The following NAV3 variants were observed in gnomAD, a reference collection of about 807,000 sequenced individuals.
NAV3 encodes the protein pore membrane and/or filament interacting like protein 1.
NAV3 carries 87 observed loss-of-function variants against 244.7 expected under a neutral mutation model. That is an observed-to-expected ratio of 0.36 (90% CI 0.30 to 0.42). The LOEUF (loss-of-function observed/expected upper bound fraction) is 0.42, where lower values mean the gene tolerates loss of function less well. NAV3 is among the 20% of genes least tolerant of loss of function. The pLI is 1.00. For missense variants in NAV3, 2,663 were observed against 2,893.3 expected (o/e 0.92, Z 1.83); for synonymous variants, 1,126 against 1,042.2 (o/e 1.08, Z -1.55).
chr12:78,088,033 C>CATAT (rs547523601), intron 12 of NAV3, among the ~76,000 whole-genome samples: 9 of 147,852 alleles, frequency 6.1e-5, no homozygotes, highest in Admixed American at 2.0e-4. Context: ...AGTGTTTCTT[C>CATAT]ATATATATAT....
chr12:77,969,136 T>C (rs1016203030), intron 5 of NAV3, among the ~76,000 whole-genome samples: 1 of 119,012 alleles, frequency 8.4e-6, no homozygotes, highest in Non-Finnish European at 1.9e-5. Context: ...GAACATAGTG[T>C]TTTTGATGTG....
rs568739363 is a variant in NAV3, at chr12:77,968,579, A to G, written c.548A>G (p.Lys183Arg). 2.6e-5 allele frequency: 42 copies of G among 1,614,148 alleles called. No homozygotes were observed. In the African/African-American group the frequency reaches 4.3e-4, roughly 16 times the overall value. The change falls in exon 5 of 40, where the codon AAG (lysine) becomes AGG (arginine). Residue 183 changes from lysine (K) to arginine (R), a missense_variant. Transcript: ENST00000397909. ...LGLFFSLSRY[K>R]QQQHHQQQYY... is the part of the protein sequence containing the mutation. ...CTGTTTTTCAGTTTATCTCGCTACA[A>G]GCAGCAACAACACCATCAACAACAG...
rs1442629988 is a variant in NAV3 at position 78,146,351 on chromosome 12, CT to C, written c.4684-13del. Reference sequence around the variant, plus strand: ...AATAGTTTTTATAGTTAAAGTCTTTCTTTTTATTGTTTTACAGGCTGAAGAA... The same window carrying C: ...AATAGTTTTTATAGTTAAAGTCTTTCTTTTATTGTTTTACAGGCTGAAGAA... On this transcript the variant is annotated splice_polypyrimidine_tract_variant and intron_variant, in intron 20 of 39. Transcript: ENST00000397909. 5 of 1,054,244 alleles carry C rather than the reference CT, an allele frequency of 4.7e-6. No homozygotes were observed. The highest frequency in any genetic ancestry group is 6.6e-6 in the Non-Finnish European group (5 of 754,366). 65.3% of individuals were successfully genotyped at this position (1,054,244 alleles called of 1,614,324 possible).
chr12:77,862,769 A>T (rs1879437676), intron 1 of NAV3, among the ~76,000 whole-genome samples: 1 of 151,816 alleles, frequency 6.6e-6, no homozygotes, highest in South Asian at 2.1e-4. Context: ...CATTATTTTG[A>T]TTAAACAATA....
intron 2 of NAV3, among the ~76,000 whole-genome samples, chr12:77,649,806 T>C (rs1391843808): frequency 6.6e-6 from 1 of 152,178 alleles, no homozygotes; most frequent in Non-Finnish European, 1.5e-5. Flanking sequence ...AATGATTTAA[T>C]CGATTTTTTT....
intron 1 of NAV3, among the ~76,000 whole-genome samples, chr12:77,844,252 G>C (rs1267996462): frequency 6.6e-6 from 1 of 152,120 alleles, no homozygotes; most frequent in African/African-American, 2.4e-5. Context: ...CCACAGGGGA[G>C]GGATGCCATG....
At chr12:77,629,486 T>A (rs1871788940) in intron 2 of NAV3, among the ~76,000 whole-genome samples, 2 of 152,224 alleles carry the variant, frequency 1.3e-5, no homozygotes, top group South Asian at 2.1e-4. Flanking sequence ...TGCATTGTGA[T>A]TGGAGCTTAA....
At chr12:77,655,196 T>TA in intron 2 of NAV3, among the ~76,000 whole-genome samples, 1 of 151,922 alleles carries the variant, frequency 6.6e-6, no homozygotes, top group South Asian at 2.1e-4. Context: ...GCAAAGAAGA[T>TA]AAAAACTTTG....
intron 3 of NAV3, among the ~76,000 whole-genome samples, chr12:77,961,302 G>GCA (rs1891938131): frequency 1.8e-5 from 1 of 55,864 alleles, no homozygotes; most frequent in Non-Finnish European, 5.6e-5. Context: ...ATACACATAT[G>GCA]TATATATTAC....
chr12:77,666,609 G>T (rs1427779062), intron 2 of NAV3, among the ~76,000 whole-genome samples: 1 of 152,148 alleles, frequency 6.6e-6, no homozygotes, highest in African/African-American at 2.4e-5. Context: ...TAAATATTCT[G>T]CTCAAGGTAT....
In NAV3 at chr12:78,137,245, G is replaced by T. The variant is rs1459665320; in HGVS notation, c.4510G>T (p.Ala1504Ser). 6.2e-7 allele frequency: 1 copy of T among 1,613,658 alleles called. No individual in the cohort carries two copies. The highest frequency in any genetic ancestry group is 1.7e-5 in the Admixed American group (1 of 59,958). The stretch of plus-strand genomic sequence containing the variant: ...CATGATGCGCTCAAACAGCATCCCA[G>T]CCCAAGACTCTTCCTTCGATCTCTA... ...PSMMRSNSIPAQDSSFDLYDD... is the reference protein window; with the variant it reads ...PSMMRSNSIPSQDSSFDLYDD... The change falls in exon 19 of 40, where the codon GCC (alanine) becomes TCC (serine). Residue 1504 changes from alanine to serine, a missense_variant. By Grantham distance (99) the Ala-to-Ser change is moderately conservative (BLOSUM62 1). Transcript: ENST00000397909.
chr12:78,160,748 G>A (rs11108542), intron 23 of NAV3, among the ~76,000 whole-genome samples: 25,489 of 151,664 alleles, frequency 0.17, 2,253 homozygotes, highest in Admixed American at 0.25. Flanking sequence ...CATATTCTCC[G>A]TATACCCTGC....
At chr12:77,621,071 T>G (rs1006626206) in intron 2 of NAV3, among the ~76,000 whole-genome samples, 6 of 152,146 alleles carry the variant, frequency 3.9e-5, no homozygotes, top group African/African-American at 1.4e-4. Flanking sequence ...TTGAAGAAGG[T>G]TTGAGTTTGT....
At chr12:77,748,721 C>A (rs1868685838) in intron 2 of NAV3, among the ~76,000 whole-genome samples, 2 of 152,028 alleles carry the variant, frequency 1.3e-5, no homozygotes, top group South Asian at 4.1e-4. Context: ...GTTACCAGGG[C>A]CTAGGGCTTG....
At chr12:77,643,265 C>T (rs1245445913) in intron 2 of NAV3, among the ~76,000 whole-genome samples, 1 of 151,716 alleles carries the variant, frequency 6.6e-6, no homozygotes, top group Non-Finnish European at 1.5e-5. Context: ...TATAGAAAAC[C>T]TAAGAAGCAA....
At chr12:77,621,135 G>C (rs1871353557) in intron 2 of NAV3, among the ~76,000 whole-genome samples, 2 of 152,146 alleles carry the variant, frequency 1.3e-5, no homozygotes, top group African/African-American at 4.8e-5. Flanking sequence ...GCATTAAAAT[G>C]ATAAACAAAC....
chr12:77,950,926 A>G (rs927342190), intron 3 of NAV3: 2 of 152,216 alleles, frequency 1.3e-5, no homozygotes, highest in Non-Finnish European at 2.9e-5. Flanking sequence ...TTCAAGATGG[A>G]TTAAAGACTG....
chr12:78,088,105 G>T (rs961044417), intron 12 of NAV3, among the ~76,000 whole-genome samples: 1 of 150,772 alleles, frequency 6.6e-6, no homozygotes, highest in African/African-American at 2.4e-5. Flanking sequence ...ACTTATGAGG[G>T]TCATTCAATT....
intron 2 of NAV3, among the ~76,000 whole-genome samples, chr12:77,620,901 G>A (rs996550484): frequency 2.6e-5 from 4 of 152,162 alleles, no homozygotes; most frequent in Admixed American, 1.3e-4. Flanking sequence ...TAGACATAAA[G>A]TATTTGGAAT....
Sources: allele counts gnomAD v4.1 joint callset (sites outside exome capture counted in the v4.1 genomes callset), GRCh38; gene constraint gnomAD v4.1.1; transcripts MANE v1.5; gene names NCBI Gene and HGNC (gene_info 2026-07-23, HGNC 2026-07-21).